Variants in ST7L observed in about 807,000 individuals in gnomAD.
The protein encoded by ST7L is suppression of tumorigenicity 7 like.
A neutral mutation model predicts 72.5 loss-of-function variants in ST7L; 57 were observed. That is an observed-to-expected ratio of 0.79 (90% CI 0.64 to 0.98). The LOEUF (loss-of-function observed/expected upper bound fraction) is 0.98, where lower values mean the gene tolerates loss of function less well. Ranked by LOEUF, ST7L falls within the 50% of genes least tolerant of loss-of-function variation. The probability of loss-of-function intolerance (pLI) is 0.00; values close to 1 mark genes in which losing one functional copy is unlikely to be tolerated. For missense variants in ST7L, 576 were observed against 672.2 expected, an observed-to-expected ratio of 0.86 and a Z score of 1.58; for synonymous variants, 221 against 240.9, an observed-to-expected ratio of 0.92 and a Z score of 0.77.
Position 112,595,635 on chromosome 1 carries a change from T to C in ST7L, c.622+2336A>G, listed in dbSNP as rs140952661. ...TGGGGTCTTACTGTGTTGCCCAGGC[T>C]GACAAACTCCTAGACTCATGGGATG... On this transcript the variant is annotated intron_variant, in intron 5 of 14. Coordinates refer to ENST00000358039, the MANE Select transcript of ST7L (RefSeq NM_017744.5). 2.0e-3 allele frequency among the ~76,000 whole-genome samples: 302 copies of C among 152,192 alleles called. 3 individuals carry two copies. The South Asian group carries it at 0.03, about 15-fold the overall frequency.
intron 2 of ST7L, among the ~76,000 whole-genome samples, chr1:112,612,961 T>C (rs933147649): frequency 6.6e-6 from 1 of 150,992 alleles, no homozygotes; most frequent in Non-Finnish European, 1.5e-5. Flanking sequence ...CTACAAAACA[T>C]AAAAAAAATG....
At position 112,527,475 on chromosome 1, in the gene ST7L, C is replaced by G. The variant is rs1653643304; in HGVS notation, c.1630-1364G>C. The G allele has an allele frequency of 2.0e-5, 3 of 152,764 alleles. No individual in the cohort carries two copies. In the South Asian group the frequency reaches 6.2e-4, roughly 32 times the overall value. 9.5% of individuals were successfully genotyped at this position (152,764 alleles called of 1,614,324 possible). On this transcript the variant is annotated intron_variant, in intron 14 of 14. Transcript: ENST00000358039. ...CACCTCCTGCATAGCAGCACAGCCC[C>G]ATGAGGCCACACACCAGATGGAGGG... is the stretch of plus-strand genomic sequence containing the variant.
chr1:112,600,980 CT>C, intron 3 of ST7L, 132 bp from the exon 4 acceptor site: 3 of 721,248 alleles, frequency 4.2e-6, no homozygotes, highest in East Asian at 5.7e-5. Flanking sequence ...ATAAAGCATG[CT>C]TTCAAAAAAC....
intron 6 of ST7L, among the ~76,000 whole-genome samples, chr1:112,587,801 T>C (rs1665086252): frequency 6.6e-6 from 1 of 152,224 alleles, no homozygotes; most frequent in African/African-American, 2.4e-5. Context: ...ATTCAGGGTC[T>C]CTTGCAGTTC....
At chr1:112,600,350 T>G (rs963893278) in intron 4 of ST7L, among the ~76,000 whole-genome samples, 1 of 152,134 alleles carries the variant, frequency 6.6e-6, no homozygotes, top group Non-Finnish European at 1.5e-5. Flanking sequence ...TACCAAAAAT[T>G]TAAAAAAATT....
chr1:112,520,247 C>T, downstream of ST7L: 4 of 1,593,944 alleles, frequency 2.5e-6, no homozygotes, highest in Non-Finnish European at 3.4e-6. Flanking sequence ...GAAGAGATAA[C>T]TTTGTTCTCA....
In ST7L at chr1:112,585,855, T is replaced by C. The variant is rs189146573; in HGVS notation, c.702-1729A>G. Among the ~76,000 whole-genome samples, 466 of 152,348 alleles carry C rather than the reference T, an allele frequency of 3.1e-3. 4 individuals carry two copies. Among genetic ancestry groups the C allele is most frequent in the African/African-American group, 0.011 (438 of 41,592 alleles). ...GAAAATTTAAAGTTACATATGTGGC[T>C]TGCATTATATTTCTAATAATTAGTG... On this transcript the variant is annotated intron_variant, in intron 6 of 14. Transcript: ENST00000358039.
intron 14 of ST7L, chr1:112,529,171 T>C (rs893826212): frequency 1.1e-4 from 17 of 152,202 alleles, no homozygotes; most frequent in African/African-American, 4.1e-4. Context: ...TGTGTGTTTG[T>C]GTGTTTGTGT....
intron 3 of ST7L, among the ~76,000 whole-genome samples, chr1:112,602,993 T>C (rs952909939): frequency 1.3e-5 from 2 of 149,720 alleles, no homozygotes; most frequent in African/African-American, 2.4e-5. Context: ...GCTGGGATTA[T>C]AGGCAGCCAC....
intron 5 of ST7L, among the ~76,000 whole-genome samples, chr1:112,594,999 T>C (rs1666234410): frequency 6.6e-6 from 1 of 152,166 alleles, no homozygotes; most frequent in Non-Finnish European, 1.5e-5. Flanking sequence ...GAAATAATGA[T>C]AATAAAATTA....
chr1:112,582,308 G>T, intron 8 of ST7L, 67 bp downstream of exon 8: 3 of 1,177,848 alleles, frequency 2.5e-6, no homozygotes, highest in South Asian at 1.3e-5. Context: ...TAAAATAACT[G>T]GCAACTTAAC....
chr1:112,537,626 G>A (rs1655426664), intron 14 of ST7L, among the ~76,000 whole-genome samples: 1 of 152,180 alleles, frequency 6.6e-6, no homozygotes, highest in Non-Finnish European at 1.5e-5. Context: ...ATTTAATCCA[G>A]CAGGCTTCAA....
chr1:112,520,210 A>G, downstream of ST7L: 1 of 1,428,622 alleles, frequency 7.0e-7, no homozygotes, highest in African/African-American at 1.4e-5. Flanking sequence ...CCTTCTGAGA[A>G]TGTGGTTAAG....
chr1:112,610,403 T>A lies in ST7L; in HGVS notation c.451+438A>T, dbSNP rs545551356. Reference sequence around the variant, plus strand: ...TAACTATATTAACATGAAAGACAAATTTCTGTGTCTTGGTCCATTTGGACT... The same window carrying A: ...TAACTATATTAACATGAAAGACAAAATTCTGTGTCTTGGTCCATTTGGACT... On this transcript the variant is annotated intron_variant, in intron 3 of 14. Coordinates refer to ENST00000358039, the MANE Select transcript of ST7L (RefSeq NM_017744.5). 1.2e-4 allele frequency: 19 copies of A among 154,598 alleles called. No homozygotes were observed. The South Asian group carries it at 3.7e-3, about 30-fold the overall frequency. 9.6% of individuals were successfully genotyped at this position (154,598 alleles called of 1,614,324 possible). A position where few individuals can be genotyped will look rare whatever the true frequency, so the allele number is the denominator to read the frequency against.
In ST7L at chr1:112,542,037, A is replaced by G; in HGVS notation, c.1543T>C (p.Phe515Leu). 1 of 1,613,692 alleles carries G rather than the reference A, an allele frequency of 6.2e-7. No homozygotes were observed. Among genetic ancestry groups the G allele is most frequent in the Non-Finnish European group, 8.5e-7 (1 of 1,179,862 alleles). ...PKKELPLFIH[F>L]TAGFCSSTAM... ...GTAGAAGAGCAAAATCCTGCTGTGA[A>G]ATGGATGAACAAAGGAAGCTCCTTT... is the stretch of plus-strand genomic sequence containing the variant. The change falls in exon 14 of 15, where the codon TTC becomes CTC. Residue 515 changes from phenylalanine to leucine, a missense_variant. Phe to Leu is a conservative substitution (Grantham distance 22). Coordinates refer to ENST00000358039, the MANE Select transcript of ST7L (RefSeq NM_017744.5).
intron 14 of ST7L, among the ~76,000 whole-genome samples, chr1:112,536,892 T>A (rs1268237531): frequency 2.0e-5 from 3 of 152,196 alleles, no homozygotes; most frequent in African/African-American, 2.4e-5. Flanking sequence ...TTTGCTGTAC[T>A]AAAACAGACA....
intron 14 of ST7L, among the ~76,000 whole-genome samples, chr1:112,530,721 C>T (rs1654257191): frequency 6.6e-6 from 1 of 152,056 alleles, no homozygotes; most frequent in African/African-American, 2.4e-5. Context: ...AGCCTCTGTG[C>T]CTATTTTAAA....
chr1:112,537,597 CCTTA>C (rs1655421511), intron 14 of ST7L, among the ~76,000 whole-genome samples: 1 of 152,150 alleles, frequency 6.6e-6, no homozygotes, highest in Admixed American at 6.5e-5. Context: ...TGCTGGCTAC[CCTTA>C]CTTTGAACTC....
chr1:112,602,083 C>CAAAAAAAA (rs71584754), intron 3 of ST7L, among the ~76,000 whole-genome samples: 1 of 89,048 alleles, frequency 1.1e-5, no homozygotes, highest in Non-Finnish European at 2.3e-5. Flanking sequence ...AAACTCCATC[C>CAAAAAAAA]AAAAAAAAAA....
Sources: gnomAD v4.1 joint callset for allele counts (sites outside exome capture counted in the v4.1 genomes callset) on GRCh38, gnomAD v4.1.1 for gene constraint, MANE v1.5 for transcripts, NCBI Gene and HGNC (gene_info 2026-07-23, HGNC 2026-07-21) for gene names.